The following DGKB variants were observed in gnomAD, a reference collection of about 807,000 sequenced individuals.
The protein encoded by DGKB is 90 kDa diacylglycerol kinase.
DGKB carries 67 observed loss-of-function variants against 114.3 expected under a neutral mutation model. The ratio of observed to expected loss-of-function variants is 0.59; its 90% CI spans 0.48 to 0.72. The LOEUF (loss-of-function observed/expected upper bound fraction) is 0.72. DGKB is among the 30% of genes least tolerant of loss of function. DGKB has a pLI of 0.00. For missense variants in DGKB, 907 were observed against 975.2 expected (o/e 0.93, Z 0.93); for synonymous variants, 398 against 323.1 (o/e 1.23, Z -2.49).
intron 23 of DGKB, among the ~76,000 whole-genome samples, chr7:14,255,457 G>A (rs940723870): frequency 1.1e-4 from 16 of 152,154 alleles, no homozygotes; most frequent in African/African-American, 3.9e-4. Context: ...CCCTAATTAA[G>A]TGGGAAGAAA....
intron 2 of DGKB, among the ~76,000 whole-genome samples, chr7:14,758,884 A>AG (rs1394353715): frequency 6.9e-6 from 1 of 145,068 alleles, no homozygotes; most frequent in African/African-American, 2.6e-5. Flanking sequence ...TGTGTGAAAC[A>AG]ATAGATAGAT....
intron 1 of DGKB, among the ~76,000 whole-genome samples, chr7:14,945,202 T>C (rs1433400455): frequency 6.6e-6 from 1 of 151,846 alleles, no homozygotes; most frequent in Non-Finnish European, 1.5e-5. Flanking sequence ...GGTATAAGTC[T>C]TCACAGGCAT....
intron 23 of DGKB, among the ~76,000 whole-genome samples, chr7:14,296,035 C>T (rs542860597): frequency 3.5e-5 from 4 of 114,500 alleles, no homozygotes; most frequent in African/African-American, 1.2e-4. Flanking sequence ...AGGTCATGAA[C>T]TCATTTTTTT....
intron 23 of DGKB, among the ~76,000 whole-genome samples, chr7:14,295,540 G>A (rs1001919614): frequency 6.6e-6 from 1 of 151,872 alleles, no homozygotes; most frequent in Non-Finnish European, 1.5e-5. Context: ...CCTGAGCTTG[G>A]AGCTATGGAT....
chr7:14,784,286 G>A (rs1469655190), intron 2 of DGKB, among the ~76,000 whole-genome samples: 1 of 149,178 alleles, frequency 6.7e-6, no homozygotes, highest in Non-Finnish European at 1.5e-5. Context: ...ACATTCTTAT[G>A]TTATTAAAGT....
intron 21 of DGKB, among the ~76,000 whole-genome samples, chr7:14,384,457 CA>C (rs1365641999): frequency 6.6e-6 from 1 of 152,250 alleles, no homozygotes; most frequent in East Asian, 1.9e-4. Flanking sequence ...TAGATACCCC[CA>C]CCACTAAACC....
At position 14,390,401 on chromosome 7, in the gene DGKB, T is replaced by C. The variant is rs577883384; in HGVS notation, c.1836-45010A>G. ...TGCAGTTTTTGAGGGTTTTAGAAGA[T>C]AAGAATCCTGGATAAAAGACCATTC... is the stretch of plus-strand genomic sequence containing the variant. On this transcript the variant is annotated intron_variant, in intron 21 of 25. Transcript: ENST00000402815. 2.0e-5 allele frequency among the ~76,000 whole-genome samples: 3 copies of C among 152,294 alleles called. No homozygotes were observed. The South Asian group carries it at 6.2e-4, about 32-fold the overall frequency.
intron 1 of DGKB, among the ~76,000 whole-genome samples, chr7:14,956,508 G>A (rs1786513831): frequency 6.6e-6 from 1 of 151,904 alleles, no homozygotes; most frequent in Non-Finnish European, 1.5e-5. Context: ...TTTACTAATG[G>A]GCTCATATCT....
rs1823428504 is a variant in DGKB at position 14,694,279 on chromosome 7, A to G, written c.592-85T>C. 4 of 1,190,502 alleles carry G rather than the reference A, an allele frequency of 3.4e-6. No individual in the cohort carries two copies. The East Asian group carries it at 1.0e-4, about 31-fold the overall frequency. 73.7% of individuals were successfully genotyped at this position (1,190,502 alleles called of 1,614,324 possible). A position where few individuals can be genotyped will look rare whatever the true frequency, so the allele number is the denominator to read the frequency against. On this transcript the variant is annotated intron_variant, in intron 8 of 25. Coordinates refer to ENST00000402815, the MANE Select transcript of DGKB (RefSeq NM_001350709.2). ...TACAACATATGAAATTGTGACTAAC[A>G]GCTAAGTGGAGAGTTGGGATAACTG...
chr7:14,931,127 T>TTTG (rs1420664021), intron 1 of DGKB, among the ~76,000 whole-genome samples: 1 of 151,706 alleles, frequency 6.6e-6, no homozygotes, highest in Non-Finnish European at 1.5e-5. Flanking sequence ...TTTTTTTTTT[T>TTTG]TTGAGATGGA....
At chr7:14,317,422 G>A (rs1030576671) in intron 23 of DGKB, among the ~76,000 whole-genome samples, 3 of 147,790 alleles carry the variant, frequency 2.0e-5, no homozygotes, top group Non-Finnish European at 4.5e-5. Context: ...AAGCTGATAA[G>A]CAACTTCAGC....
chr7:14,481,797 A>G (rs887012766), intron 20 of DGKB, among the ~76,000 whole-genome samples: 1 of 151,978 alleles, frequency 6.6e-6, no homozygotes, highest in Non-Finnish European at 1.5e-5. Context: ...ATTGTAATTT[A>G]CTAAAAAGTT....
chr7:14,640,269 T>A (rs377241753), intron 13 of DGKB, among the ~76,000 whole-genome samples: 33 of 152,208 alleles, frequency 2.2e-4, no homozygotes, highest in African/African-American at 7.9e-4. Flanking sequence ...AGGAGAAAAA[T>A]GTGGAATTCC....
chr7:14,830,854 A>C (rs1846311152), intron 2 of DGKB, among the ~76,000 whole-genome samples: 1 of 151,412 alleles, frequency 6.6e-6, no homozygotes, highest in Non-Finnish European at 1.5e-5. Flanking sequence ...TTTTATAATA[A>C]AGTACTGAAA....
chr7:14,356,172 T>C (rs1814445316), intron 21 of DGKB, among the ~76,000 whole-genome samples: 1 of 152,090 alleles, frequency 6.6e-6, no homozygotes. Flanking sequence ...TCCTCTTTTC[T>C]TCTTTATTAG....
intron 20 of DGKB, among the ~76,000 whole-genome samples, chr7:14,542,049 C>T (rs1414122328): frequency 5.3e-5 from 8 of 152,152 alleles, no homozygotes; most frequent in Non-Finnish European, 8.8e-5. Context: ...TTTTTGTCTG[C>T]AGTCAGAGTA....
intron 23 of DGKB, among the ~76,000 whole-genome samples, chr7:14,194,003 C>G (rs1414432808): frequency 6.6e-6 from 1 of 152,104 alleles, no homozygotes; most frequent in Admixed American, 6.6e-5. Flanking sequence ...CGAGATGTTA[C>G]TTCATTCCAA....
At chr7:14,534,551 C>G (rs982989494) in intron 20 of DGKB, among the ~76,000 whole-genome samples, 2 of 151,850 alleles carry the variant, frequency 1.3e-5, no homozygotes, top group Non-Finnish European at 2.9e-5. Context: ...ATGCTTTCTC[C>G]CAAAACAGGA....
intron 21 of DGKB, among the ~76,000 whole-genome samples, chr7:14,465,900 C>T (rs1395224368): frequency 2.0e-5 from 3 of 151,790 alleles, no homozygotes; most frequent in Non-Finnish European, 4.4e-5. Flanking sequence ...GAGCCTTACT[C>T]CTAGCTGCTG....
Sources: gnomAD v4.1 joint callset for allele counts (sites outside exome capture counted in the v4.1 genomes callset) on GRCh38, gnomAD v4.1.1 for gene constraint, MANE v1.5 for transcripts, NCBI Gene and HGNC (gene_info 2026-07-23, HGNC 2026-07-21) for gene names.